The following ADARB2 variants were observed in gnomAD, a reference collection of about 807,000 sequenced individuals.
ADARB2 encodes the protein inactive double-stranded RNA-specific editase B2.
A neutral mutation model predicts 62.2 loss-of-function variants in ADARB2; 25 were observed. The observed-to-expected ratio is 0.40, with a 90% confidence interval of 0.29 to 0.56. The LOEUF is 0.56. Ranked by LOEUF, ADARB2 falls within the 20% of genes least tolerant of loss-of-function variation. The probability of loss-of-function intolerance (pLI) is 0.43; values close to 1 mark genes in which losing one functional copy is unlikely to be tolerated. For missense variants in ADARB2, 1,071 were observed against 1,077.4 expected (o/e 0.99, Z 0.08); for synonymous variants, 572 against 500.8 (o/e 1.14, Z -1.90).
At chr10:1,418,300 T>C (rs1280319890) in intron 1 of ADARB2, among the ~76,000 whole-genome samples, 2 of 152,196 alleles carry the variant, frequency 1.3e-5, no homozygotes, top group Non-Finnish European at 2.9e-5. Context: ...GACGGTGGGC[T>C]CAGGGTCAGG....
At chr10:1,522,748 T>G (rs766839456) in intron 1 of ADARB2, among the ~76,000 whole-genome samples, 28 of 152,202 alleles carry the variant, frequency 1.8e-4, no homozygotes, top group Admixed American at 3.3e-4. Context: ...TAGCCCCATT[T>G]TTCAGTAGCC....
intron 1 of ADARB2, among the ~76,000 whole-genome samples, chr10:1,543,837 C>G (rs1344005479): frequency 6.6e-6 from 1 of 152,126 alleles, no homozygotes; most frequent in African/African-American, 2.4e-5. Context: ...AAGTTTACAG[C>G]CCGCCCGTGA....
chr10:1,509,434 C>T (rs1831893808), intron 1 of ADARB2, among the ~76,000 whole-genome samples: 1 of 152,150 alleles, frequency 6.6e-6, no homozygotes, highest in African/African-American at 2.4e-5. Context: ...TCGTCAGGCA[C>T]AAATCCTTCA....
chr10:1,232,045 C>T (rs977774113), intron 6 of ADARB2, among the ~76,000 whole-genome samples: 8 of 152,178 alleles, frequency 5.3e-5, no homozygotes, highest in Non-Finnish European at 1.2e-4. Flanking sequence ...GAGAGTCAGG[C>T]CAAAGCCAAG....
intron 3 of ADARB2, among the ~76,000 whole-genome samples, chr10:1,327,498 CT>C: frequency 1.3e-5 from 1 of 79,910 alleles, no homozygotes; most frequent in Non-Finnish European, 2.7e-5. Context: ...ACAGCGCCTC[CT>C]CACTGCCCAG....
intron 1 of ADARB2, among the ~76,000 whole-genome samples, chr10:1,390,969 C>A (rs1404920401): frequency 1.3e-5 from 2 of 152,214 alleles, no homozygotes; most frequent in Non-Finnish European, 2.9e-5. Context: ...ATACTAGGCC[C>A]TTGCTTGGAT....
intron 3 of ADARB2, among the ~76,000 whole-genome samples, chr10:1,298,391 G>C (rs1416069876): frequency 1.3e-5 from 2 of 152,122 alleles, no homozygotes; most frequent in Non-Finnish European, 2.9e-5. Context: ...GGGTGATCCC[G>C]GGGGCACATC....
At chr10:1,626,909 G>T (rs1450655749) in intron 1 of ADARB2, among the ~76,000 whole-genome samples, 1 of 152,072 alleles carries the variant, frequency 6.6e-6, no homozygotes, top group African/African-American at 2.4e-5. Flanking sequence ...TGCATCTCCT[G>T]CCTTCCCTCA....
At chr10:1,651,628 G>C (rs77461584) in intron 1 of ADARB2, among the ~76,000 whole-genome samples, 2 of 152,254 alleles carry the variant, frequency 1.3e-5, no homozygotes, top group South Asian at 4.1e-4. Context: ...GGCCCGTGCT[G>C]TTTGGCTGTT....
chr10:1,647,904 T>C (rs1278438770), intron 1 of ADARB2, among the ~76,000 whole-genome samples: 1 of 152,024 alleles, frequency 6.6e-6, no homozygotes, highest in Non-Finnish European at 1.5e-5. Flanking sequence ...TGTGTATGTA[T>C]TATATATACA....
intron 1 of ADARB2, among the ~76,000 whole-genome samples, chr10:1,444,351 A>G: frequency 7.5e-6 from 1 of 132,592 alleles, no homozygotes; most frequent in African/African-American, 2.9e-5. Flanking sequence ...CCACTCACCC[A>G]TCCACTCACC....
At chr10:1,468,498 G>A (rs752157559) in intron 1 of ADARB2, among the ~76,000 whole-genome samples, 2 of 152,192 alleles carry the variant, frequency 1.3e-5, no homozygotes, top group African/African-American at 2.4e-5. Flanking sequence ...GTGCAGCTTC[G>A]TGGCTATCTC....
chr10:1,222,647 T>A (rs1390716421), intron 6 of ADARB2, among the ~76,000 whole-genome samples: 2 of 149,158 alleles, frequency 1.3e-5, no homozygotes, highest in African/African-American at 5.2e-5. Context: ...TAGCCAGTTT[T>A]CCCAGCACCA....
chr10:1,589,305 C>T (rs891842358), intron 1 of ADARB2, among the ~76,000 whole-genome samples: 5 of 152,372 alleles, frequency 3.3e-5, no homozygotes, highest in Admixed American at 6.5e-5. Flanking sequence ...GGTGCGGACC[C>T]TGCCACGGTC....
intron 6 of ADARB2, among the ~76,000 whole-genome samples, chr10:1,229,956 G>A (rs866184445): frequency 6.6e-6 from 1 of 152,174 alleles, no homozygotes; most frequent in Non-Finnish European, 1.5e-5. Context: ...ACAATCGCTC[G>A]ATGCAGGCCA....
At chr10:1,615,706 G>A (rs2132023523) in intron 1 of ADARB2, among the ~76,000 whole-genome samples, 1 of 152,216 alleles carries the variant, frequency 6.6e-6, no homozygotes, top group East Asian at 1.9e-4. Context: ...TACTGGAGAA[G>A]ATGGCCATGC....
chr10:1,452,074 C>T (rs1246831642), intron 1 of ADARB2, among the ~76,000 whole-genome samples: 1 of 152,172 alleles, frequency 6.6e-6, no homozygotes, highest in African/African-American at 2.4e-5. Flanking sequence ...CTGCCATGCA[C>T]CCCTGCTGGT....
chr10:1,510,089 C>T (rs1333125653), intron 1 of ADARB2, among the ~76,000 whole-genome samples: 1 of 141,990 alleles, frequency 7.0e-6, no homozygotes, highest in African/African-American at 2.6e-5. Flanking sequence ...CTTTCTCTCT[C>T]TCTCTCTTTT....
intron 1 of ADARB2, among the ~76,000 whole-genome samples, chr10:1,564,738 A>G (rs1348443960): frequency 1.3e-5 from 2 of 152,102 alleles, no homozygotes; most frequent in African/African-American, 2.4e-5. Context: ...TTAGAATGGC[A>G]ATCATTAAAA....
Sources: gnomAD v4.1 joint callset for allele counts (sites outside exome capture counted in the v4.1 genomes callset) on GRCh38, gnomAD v4.1.1 for gene constraint, MANE v1.5 for transcripts, NCBI Gene and HGNC (gene_info 2026-07-23, HGNC 2026-07-21) for gene names.